The following USP45 variants were observed in gnomAD, a reference collection of about 807,000 sequenced individuals.
The protein encoded by USP45 is ubiquitin carboxyl-terminal hydrolase 45.
USP45 carries 89 observed loss-of-function variants against 95.8 expected under a neutral mutation model. The ratio of observed to expected loss-of-function variants is 0.93; its 90% CI spans 0.78 to 1.11. The LOEUF is 1.11. USP45 is among the 50% of genes least tolerant of loss of function. The pLI is 0.00. For synonymous variants in USP45, 281 were observed against 316.2 expected (o/e 0.89, Z 1.18); for missense variants, 898 against 942.5 (o/e 0.95, Z 0.62).
rs768090784 is a variant in USP45 at position 99,446,018 on chromosome 6, T to C, written c.1754A>G (p.Asn585Ser). The C allele has an allele frequency of 1.8e-5, 29 of 1,613,926 alleles. No homozygotes were observed. Among genetic ancestry groups the C allele is most frequent in the African/African-American group, 1.1e-4 (8 of 74,908 alleles). The change falls in exon 14 of 18, where the codon AAT (asparagine) becomes AGT (serine). Residue 585 changes from asparagine to serine, a missense_variant. Physicochemically the swap from Asn to Ser is conservative, Grantham distance 46. Transcript: ENST00000500704. ...DRENQPLNIS[N>S]NLCFLEGKHL... ...CTTCCCCTCTAAAAAACATAAATTATTTGAAATATTTAGTGGCTGATTTTC... is the reference window on the plus strand; with the variant it reads ...CTTCCCCTCTAAAAAACATAAATTACTTGAAATATTTAGTGGCTGATTTTC...
At chr6:99,439,714 G>T in intron 16 of USP45, 55 bp downstream of exon 16, 1 of 1,254,398 alleles carries the variant, frequency 8.0e-7, no homozygotes, top group Non-Finnish European at 1.1e-6. Context: ...TAATATATAG[G>T]ATACTTTCAA....
chr6:99,473,058 G>C (rs1789840496), intron 9 of USP45, among the ~76,000 whole-genome samples: 1 of 151,246 alleles, frequency 6.6e-6, no homozygotes, highest in East Asian at 1.9e-4. Context: ...ACACAATGTA[G>C]GTAAAACAAC....
intron 13 of USP45, chr6:99,460,978 C>T (rs4431441): frequency 1 from 980,476 of 985,366 alleles, 487,983 homozygotes; most frequent in East Asian, 1. Context: ...ATTTAAGAGC[C>T]GAGTCTCAAA....
rs555992668 is a variant in USP45, at chr6:99,462,652, C to T, written c.1308+1952G>A. 91 of 985,450 alleles carry T rather than the reference C, an allele frequency of 9.2e-5. No homozygotes were observed. In the African/African-American group the frequency reaches 1.5e-3, roughly 16 times the overall value. The allele number at this position is 985,450 out of a possible 1,614,324, so 61.0% of individuals were successfully genotyped here. On this transcript the variant is annotated intron_variant, in intron 13 of 17. Coordinates refer to ENST00000500704, the MANE Select transcript of USP45 (RefSeq NM_001346022.3). The stretch of plus-strand genomic sequence containing the variant: ...GAAAACATGTTGTCCTTTCTGAAGT[C>T]TTGTGACTTCTAACATAAGTCTTCT...
chr6:99,481,344 TAGAG>T (rs1792366463), intron 8 of USP45, among the ~76,000 whole-genome samples: 1 of 152,186 alleles, frequency 6.6e-6, no homozygotes, highest in East Asian at 1.9e-4. Context: ...GGAGTAAAGA[TAGAG>T]AGGAGTTTGA....
chr6:99,462,481 T>G (rs1471048231), intron 13 of USP45: 1 of 984,590 alleles, frequency 1.0e-6, no homozygotes. Flanking sequence ...ACCAGTGCTT[T>G]TTAGGGGAAT....
intron 5 of USP45, among the ~76,000 whole-genome samples, chr6:99,496,747 A>G (rs1285954224): frequency 2.0e-5 from 3 of 152,206 alleles, no homozygotes; most frequent in Admixed American, 2.0e-4. Context: ...TCAGAGGACA[A>G]TGGCCCACTT....
chr6:99,501,861 A>C (rs752056457), intron 5 of USP45: 15 of 1,222,670 alleles, frequency 1.2e-5, no homozygotes, highest in African/African-American at 3.2e-5. Context: ...AGTACCCTCT[A>C]AATCCTCGGA....
At chr6:99,485,175 CAAAAAAA>C (rs1190400783) in intron 7 of USP45, among the ~76,000 whole-genome samples, 1 of 88,712 alleles carries the variant, frequency 1.1e-5, no homozygotes, top group Non-Finnish European at 2.3e-5. Context: ...ACTAAAAATA[CAAAAAAA>C]AAAAAAAAAA....
At position 99,510,138 on chromosome 6, in the gene USP45, G is replaced by T; in HGVS notation, c.83C>A (p.Ser28Tyr). Reference protein sequence around the residue: ...KRPTVPHDEDSSDDIAVGLTC... With the variant: ...KRPTVPHDEDYSDDIAVGLTC... ...CAATTTACCAGCAATATCATCTGAA[G>T]AGTCTTCATCATGAGGTACAGTAGG... The change falls in exon 2 of 18, where the codon TCT becomes TAT. Residue 28 changes from serine to tyrosine, a missense_variant. By Grantham distance (144) the Ser-to-Tyr change is moderately radical. Coordinates refer to ENST00000500704, the MANE Select transcript of USP45 (RefSeq NM_001346022.3). 1 of 1,612,404 alleles carries T rather than the reference G, an allele frequency of 6.2e-7. No individual in the cohort carries two copies. Among genetic ancestry groups the T allele is most frequent in the Non-Finnish European group, 8.5e-7 (1 of 1,178,680 alleles).
chr6:99,460,784 C>T (rs1254639556), intron 13 of USP45: 27 of 984,612 alleles, frequency 2.7e-5, no homozygotes, highest in Non-Finnish European at 3.1e-5. Flanking sequence ...TGATGAGAGG[C>T]ACAACACAGG....
chr6:99,464,678 A>G lies in USP45; in HGVS notation c.1234T>C (p.Tyr412His). 6.2e-7 allele frequency: 1 copy of G among 1,613,090 alleles called. No homozygotes were observed. Among genetic ancestry groups the G allele is most frequent in the Non-Finnish European group, 8.5e-7 (1 of 1,179,788 alleles). Residue 412 changes from tyrosine to histidine, a missense_variant, in exon 13 of 18, where the codon TAC (tyrosine) becomes CAC (histidine). Transcript: ENST00000500704. Reference sequence around the variant, plus strand: ...TTTTCTATAGTAACATTGCCACTGTATCGATCATGATCTGTCTCCCGTAAA... The same window carrying G: ...TTTTCTATAGTAACATTGCCACTGTGTCGATCATGATCTGTCTCCCGTAAA... ...RSLRETDHDR[Y>H]SGNVTIENIH...
At chr6:99,449,687 T>G (rs1783418223) in intron 13 of USP45, among the ~76,000 whole-genome samples, 1 of 152,184 alleles carries the variant, frequency 6.6e-6, no homozygotes, top group African/African-American at 2.4e-5. Flanking sequence ...GTGGACCTAG[T>G]AGACATGAAC....
chr6:99,476,106 T>G, intron 9 of USP45, 37 bp downstream of exon 9: 2 of 1,572,340 alleles, frequency 1.3e-6, no homozygotes, highest in Non-Finnish European at 1.7e-6. Context: ...TATCCTCTTC[T>G]TGAAGAGAAT....
At chr6:99,467,235 C>T (rs1788185375) in intron 10 of USP45, among the ~76,000 whole-genome samples, 1 of 152,034 alleles carries the variant, frequency 6.6e-6, no homozygotes, top group Non-Finnish European at 1.5e-5. Flanking sequence ...TAAAATTATT[C>T]TGCTCAGGAA....
rs540121353 is a variant in USP45 at position 99,500,551 on chromosome 6, T to G, written c.478+3214A>C. 7.2e-5 allele frequency among the ~76,000 whole-genome samples: 11 copies of G among 152,252 alleles called. No homozygotes were observed. The South Asian group carries it at 2.3e-3, about 32-fold the overall frequency. ...GCTTTGTACTTAACCTTAGGGAATC[T>G]CTAAGGTAAAAAAAAAATCCAGAGA... On this transcript the variant is annotated intron_variant, in intron 5 of 17. Coordinates refer to ENST00000500704, the MANE Select transcript of USP45 (RefSeq NM_001346022.3).
intron 5 of USP45, among the ~76,000 whole-genome samples, chr6:99,492,333 C>A (rs548385359): frequency 6.4e-4 from 97 of 152,196 alleles, no homozygotes; most frequent in Non-Finnish European, 1.0e-3. Context: ...CCAGAAAGAA[C>A]ATACCCACAG....
chr6:99,473,204 A>G (rs1232705749), intron 9 of USP45, among the ~76,000 whole-genome samples: 1 of 152,166 alleles, frequency 6.6e-6, no homozygotes, highest in African/African-American at 2.4e-5. Flanking sequence ...TTCTCAAAAA[A>G]AAGTTGCGTT....
upstream of USP45, among the ~76,000 whole-genome samples, chr6:99,517,155 T>G (rs552467658): frequency 3.0e-4 from 46 of 152,302 alleles, no homozygotes; most frequent in African/African-American, 1.1e-3. Flanking sequence ...ACCTTTTCAC[T>G]TAATTGAATG....
Sources: allele counts gnomAD v4.1 joint callset (sites outside exome capture counted in the v4.1 genomes callset), GRCh38; gene constraint gnomAD v4.1.1; transcripts MANE v1.5; gene names NCBI Gene and HGNC (gene_info 2026-07-23, HGNC 2026-07-21).